Variants in CNTNAP5 observed in about 807,000 individuals in gnomAD.
The protein encoded by CNTNAP5 is contactin-associated protein-like 5.
CNTNAP5 carries 72 observed loss-of-function variants against 150.2 expected under a neutral mutation model. The observed-to-expected ratio is 0.48, with a 90% confidence interval of 0.40 to 0.58. The LOEUF is 0.58. Among genes scored for constraint, CNTNAP5 ranks in the 20% least tolerant of loss-of-function variants. CNTNAP5 has a pLI of 0.00. For synonymous variants in CNTNAP5, 672 were observed against 619.8 expected, an observed-to-expected ratio of 1.08 and a Z score of -1.25; for missense variants, 1,636 against 1,626.2, an observed-to-expected ratio of 1.01 and a Z score of -0.10.
intron 8 of CNTNAP5, among the ~76,000 whole-genome samples, chr2:124,517,384 A>T (rs1453773973): frequency 1.7e-5 from 2 of 115,892 alleles, no homozygotes; most frequent in East Asian, 2.7e-4. Context: ...GTGTTGGTAA[A>T]GAGGGGTTGT....
chr2:124,905,429 A>G (rs890679219), intron 22 of CNTNAP5, among the ~76,000 whole-genome samples: 14 of 152,158 alleles, frequency 9.2e-5, no homozygotes, highest in Non-Finnish European at 1.5e-5. Context: ...TAACGAAAAT[A>G]AATTAAATCA....
rs79710767 is a variant in CNTNAP5, at chr2:124,605,493, C to G, written c.1757-4308C>G. Reference sequence around the variant, plus strand: ...TTTAAATAATTCCTGGTTAAATTATCTTGTTTTCATTTTCTTTCAATGTTT... The same window carrying G: ...TTTAAATAATTCCTGGTTAAATTATGTTGTTTTCATTTTCTTTCAATGTTT... On this transcript the variant is annotated intron_variant, in intron 11 of 23. Transcript: ENST00000682447. Among the ~76,000 whole-genome samples, 707 of 152,114 alleles carry G rather than the reference C, an allele frequency of 4.6e-3. 35 individuals are homozygous for G. In the East Asian group the frequency reaches 0.12, roughly 27 times the overall value.
intron 5 of CNTNAP5, among the ~76,000 whole-genome samples, chr2:124,443,959 A>G (rs1467102025): frequency 1.3e-5 from 2 of 152,116 alleles, no homozygotes; most frequent in East Asian, 1.9e-4. Context: ...ATGCAGCTCA[A>G]TTTCAAAGTG....
chr2:124,798,027 C>A, intron 18 of CNTNAP5, 69 bp from the exon 19 acceptor site: 1 of 1,173,998 alleles, frequency 8.5e-7, no homozygotes, highest in Non-Finnish European at 1.2e-6. Flanking sequence ...AACGAGAAAG[C>A]AGCTAAGGTT....
At chr2:124,502,889 T>C (rs1202295797) in intron 7 of CNTNAP5, among the ~76,000 whole-genome samples, 1 of 152,222 alleles carries the variant, frequency 6.6e-6, no homozygotes, top group Non-Finnish European at 1.5e-5. Context: ...CCATGTTTCC[T>C]GCTAACTAGG....
At chr2:124,358,443 T>C (rs1041233052) in intron 3 of CNTNAP5, among the ~76,000 whole-genome samples, 3 of 152,232 alleles carry the variant, frequency 2.0e-5, no homozygotes, top group Non-Finnish European at 2.9e-5. Flanking sequence ...TGTGGGTGTG[T>C]CATAGATAGC....
At position 124,586,765 on chromosome 2, in the gene CNTNAP5, G is replaced by C. The variant is rs148834332; in HGVS notation, c.1757-23036G>C. ...GCAATTGGGTGGATAGATCCTTCCA[G>C]GGCAACCTCCAACTGTGTTTGGAAG... is the stretch of plus-strand genomic sequence containing the variant. On this transcript the variant is annotated intron_variant, in intron 11 of 23. Transcript: ENST00000682447. Among the ~76,000 whole-genome samples the C allele has an allele frequency of 6.5e-3, 994 of 152,262 alleles. 11 individuals carry two copies. Among genetic ancestry groups the C allele is most frequent in the African/African-American group, 0.023 (947 of 41,562 alleles).
At chr2:124,695,522 G>T (rs971582250) in intron 13 of CNTNAP5, among the ~76,000 whole-genome samples, 1 of 152,138 alleles carries the variant, frequency 6.6e-6, no homozygotes, top group African/African-American at 2.4e-5. Context: ...TGTGTACAGG[G>T]AAAATACAAT....
intron 13 of CNTNAP5, among the ~76,000 whole-genome samples, chr2:124,664,976 T>C (rs1179693774): frequency 6.6e-6 from 1 of 152,182 alleles, no homozygotes; most frequent in Non-Finnish European, 1.5e-5. Context: ...CGTGAGCCAC[T>C]GCACCTGGCC....
At chr2:124,410,203 A>T (rs1466390947) in intron 3 of CNTNAP5, among the ~76,000 whole-genome samples, 6 of 149,830 alleles carry the variant, frequency 4.0e-5, no homozygotes, top group Middle Eastern at 3.2e-3. Context: ...TATGCACCCA[A>T]TACAGGAGCA....
chr2:124,232,404 G>A (rs1237078413), intron 2 of CNTNAP5, among the ~76,000 whole-genome samples: 2 of 152,132 alleles, frequency 1.3e-5, no homozygotes, highest in African/African-American at 2.4e-5. Flanking sequence ...TTGGATACTG[G>A]AGTCTTCTTC....
chr2:124,476,240 T>C (rs1252433698), intron 7 of CNTNAP5, among the ~76,000 whole-genome samples: 2 of 152,166 alleles, frequency 1.3e-5, no homozygotes, highest in Non-Finnish European at 2.9e-5. Context: ...CCATTTCAAG[T>C]GGTATTATTT....
intron 21 of CNTNAP5, among the ~76,000 whole-genome samples, chr2:124,891,773 T>G (rs1678200373): frequency 6.6e-6 from 1 of 152,046 alleles, no homozygotes; most frequent in South Asian, 2.1e-4. Flanking sequence ...TACAGTGGTG[T>G]TTATGGTTTG....
At chr2:124,809,425 A>T (rs1003225503) in intron 19 of CNTNAP5, among the ~76,000 whole-genome samples, 10 of 134,784 alleles carry the variant, frequency 7.4e-5, no homozygotes, top group Admixed American at 2.2e-4. Context: ...TTTATTTATT[A>T]AGAAACGGAG....
At chr2:124,209,443 T>C (rs1685948917) in intron 1 of CNTNAP5, among the ~76,000 whole-genome samples, 1 of 152,234 alleles carries the variant, frequency 6.6e-6, no homozygotes, top group African/African-American at 2.4e-5. Context: ...GGACAAATGG[T>C]AATGACAAAT....
chr2:124,045,368 G>A (rs949004084), intron 1 of CNTNAP5, among the ~76,000 whole-genome samples: 9 of 144,284 alleles, frequency 6.2e-5, no homozygotes, highest in South Asian at 2.2e-4. Context: ...GTGCAATCTC[G>A]TTCACTGTAA....
chr2:124,503,263 A>G (rs1054819616), intron 7 of CNTNAP5, among the ~76,000 whole-genome samples: 1 of 152,210 alleles, frequency 6.6e-6, no homozygotes, highest in African/African-American at 2.4e-5. Context: ...TCAAGAATAC[A>G]AGACTGTCAT....
chr2:124,331,158 TA>T (rs994253304), intron 3 of CNTNAP5, among the ~76,000 whole-genome samples: 7 of 152,150 alleles, frequency 4.6e-5, no homozygotes, highest in Non-Finnish European at 8.8e-5. Context: ...TAATTCCCTA[TA>T]AAAAAGCTTC....
intron 3 of CNTNAP5, among the ~76,000 whole-genome samples, chr2:124,269,979 A>G (rs1251607020): frequency 6.6e-6 from 1 of 152,222 alleles, no homozygotes; most frequent in Non-Finnish European, 1.5e-5. Flanking sequence ...TAGCGAAAGC[A>G]TAACAGTTCT....
Sources: allele counts gnomAD v4.1 joint callset (sites outside exome capture counted in the v4.1 genomes callset), GRCh38; gene constraint gnomAD v4.1.1; transcripts MANE v1.5; gene names NCBI Gene and HGNC (gene_info 2026-07-23, HGNC 2026-07-21).